PRR14L: variants seen among roughly 807,000 people sequenced by gnomAD.
PRR14L encodes the protein protein PRR14L.
In PRR14L, 80 loss-of-function variants were observed where a neutral mutation model predicts 155.0. The ratio of observed to expected loss-of-function variants is 0.52; its 90% CI spans 0.43 to 0.62. PRR14L has a LOEUF of 0.62. Ranked by LOEUF, PRR14L falls within the 20% of genes least tolerant of loss-of-function variation. The pLI is 0.00. For missense variants in PRR14L, 2,469 were observed against 2,548.0 expected, an observed-to-expected ratio of 0.97 and a Z score of 0.67; for synonymous variants, 883 against 916.0, an observed-to-expected ratio of 0.96 and a Z score of 0.65.
In PRR14L at chr22:31,714,784, A is replaced by G. The variant is rs2074645425; in HGVS notation, c.3055T>C (p.Ser1019Pro). ...NHNQKDLLVS[S>P]GSNNSLPCGS... is the part of the protein sequence containing the mutation. ...CAAGGTAGTGAGTTATTACTGCCTG[A>G]GCTGACCAGCAGATCCTTTTGGTTG... is the stretch of plus-strand genomic sequence containing the variant. Residue 1019 changes from serine to proline, a missense_variant, in exon 4 of 9, where the codon TCA (serine) becomes CCA (proline). Ser to Pro is a moderately conservative substitution (Grantham distance 74). Coordinates refer to ENST00000327423, the MANE Select transcript of PRR14L (RefSeq NM_173566.3). 1.3e-6 allele frequency: 2 copies of G among 1,552,298 alleles called. No individual in the cohort carries two copies. The highest frequency in any genetic ancestry group is 1.2e-5 in the South Asian group (1 of 84,064).
chr22:31,726,086 TA>T (rs1403940952), intron 2 of PRR14L, among the ~76,000 whole-genome samples: 2 of 152,088 alleles, frequency 1.3e-5, no homozygotes, highest in African/African-American at 4.8e-5. Context: ...TAAAAATTTC[TA>T]CTTATCTAGA....
At chr22:31,691,899 G>T in intron 7 of PRR14L, among the ~76,000 whole-genome samples, 1 of 148,222 alleles carries the variant, frequency 6.7e-6, no homozygotes. Flanking sequence ...ACAGAGTCTT[G>T]CTCTATCACC....
At chr22:31,688,897 T>TACACACACAC (rs1250705421) in intron 7 of PRR14L, among the ~76,000 whole-genome samples, 7 of 133,068 alleles carry the variant, frequency 5.3e-5, no homozygotes, top group African/African-American at 2.2e-4. Context: ...AAAAAATATA[T>TACACACACAC]ACATACACAC....
intron 1 of PRR14L, among the ~76,000 whole-genome samples, chr22:31,746,428 A>C (rs2074838052): frequency 6.6e-6 from 1 of 152,216 alleles, no homozygotes; most frequent in Non-Finnish European, 1.5e-5. Context: ...GTGAAGTAAA[A>C]GGGAAGAGTG....
Position 31,685,237 on chromosome 22 carries a change from C to A in PRR14L, c.*290G>T, listed in dbSNP as rs1291330429. ...GGCTGCTGCTTCCTCCTGTGGATGG[C>A]AGAGACTGAGGAGGTGGCTGGATGT... On this transcript the variant is annotated 3_prime_UTR_variant, in exon 9 of 9. Coordinates refer to ENST00000327423, the MANE Select transcript of PRR14L (RefSeq NM_173566.3). The A allele has an allele frequency of 3.3e-6, 1 of 302,122 alleles. No homozygotes were observed. Among genetic ancestry groups the A allele is most frequent in the Non-Finnish European group, 6.1e-6 (1 of 162,812 alleles). 18.7% of individuals were successfully genotyped at this position (302,122 alleles called of 1,614,324 possible).
intron 1 of PRR14L, among the ~76,000 whole-genome samples, chr22:31,748,854 G>C (rs1250373534): frequency 6.6e-6 from 1 of 152,144 alleles, no homozygotes; most frequent in Non-Finnish European, 1.5e-5. Context: ...ATTATTTTCA[G>C]TGAGGCCCTC....
At chr22:31,703,436 A>C (rs1275923096) in intron 6 of PRR14L, 114 bp downstream of exon 6, 13 of 992,530 alleles carry the variant, frequency 1.3e-5, no homozygotes, top group Non-Finnish European at 1.9e-5. Context: ...GCTGACACTG[A>C]AGGTGGTACG....
intron 2 of PRR14L, among the ~76,000 whole-genome samples, chr22:31,737,311 T>A (rs1478097092): frequency 6.6e-6 from 1 of 151,462 alleles, no homozygotes; most frequent in East Asian, 2.0e-4. Context: ...TGAAGCCCTA[T>A]CTCTACTAAA....
In PRR14L at chr22:31,715,963, G is replaced by A; in HGVS notation, c.1876C>T (p.Gln626Ter). ...TCATTCATCTCACAGGCTATGCTCTGTTCATCTAAAAGTGGAATATCATCA... is the reference window on the plus strand; with the variant it reads ...TCATTCATCTCACAGGCTATGCTCTATTCATCTAAAAGTGGAATATCATCA... ...SHDDIPLLDEQSIACEMNELS... is the reference protein window; with the variant it reads ...SHDDIPLLDE Residue 626 changes from glutamine (Q) to a stop codon, truncating the protein, a stop_gained, in exon 4 of 9, where the codon CAG becomes TAG. Coordinates refer to ENST00000327423, the MANE Select transcript of PRR14L (RefSeq NM_173566.3). LOFTEE classifies it high-confidence loss of function. 6.4e-7 allele frequency: 1 copy of A among 1,551,642 alleles called. No individual in the cohort carries two copies. The highest frequency in any genetic ancestry group is 8.7e-7 in the Non-Finnish European group (1 of 1,146,928).
Position 31,738,715 on chromosome 22 carries a change from T to A in PRR14L, c.146A>T (p.Lys49Ile), listed in dbSNP as rs1281678518. 35 of 1,551,728 alleles carry A rather than the reference T, an allele frequency of 2.3e-5. No homozygotes were observed. Among genetic ancestry groups the A allele is most frequent in the Non-Finnish European group, 2.6e-5 (30 of 1,147,044 alleles). The change falls in exon 2 of 9, where the codon AAA becomes ATA. Residue 49 changes from lysine (K) to isoleucine (I), a missense_variant. Coordinates refer to ENST00000327423, the MANE Select transcript of PRR14L (RefSeq NM_173566.3). ...DPEPSVIPDV[K>I]PGASSSLLSQ... ...TAAAAGAGAGCTTGAGGCTCCAGGT[T>A]TTACATCTGGAATCACACTTGGCTC... is the stretch of plus-strand genomic sequence containing the variant.
At chr22:31,728,866 T>C (rs1300321306) in intron 2 of PRR14L, among the ~76,000 whole-genome samples, 1 of 152,102 alleles carries the variant, frequency 6.6e-6, no homozygotes. Context: ...AGTTTAACAC[T>C]CTATAGCTTA....
intron 3 of PRR14L, among the ~76,000 whole-genome samples, chr22:31,721,500 G>A (rs369711884): frequency 6.6e-6 from 1 of 151,724 alleles, no homozygotes. Flanking sequence ...CCCGGGAGGC[G>A]GAGTTTGCAG....
At position 31,713,315 on chromosome 22, in the gene PRR14L, A is replaced by G; in HGVS notation, c.4524T>C (p.Gly1508=). 6.4e-7 allele frequency: 1 copy of G among 1,552,312 alleles called. No homozygotes were observed. The highest frequency in any genetic ancestry group is 8.7e-7 in the Non-Finnish European group (1 of 1,147,130). ...GAAGAACTCCTTTCTTCGCAAAGGCACCATGTATTTGATCACACCCAGCAG... is the reference window on the plus strand; with the variant it reads ...GAAGAACTCCTTTCTTCGCAAAGGCGCCATGTATTTGATCACACCCAGCAG... The part of the protein sequence containing the change: ...PSSAGCDQIH[G]AFAKKGVLPL... Residue 1508 remains glycine (G), a synonymous_variant, in exon 4 of 9, where the codon GGT becomes GGC. Coordinates refer to ENST00000327423, the MANE Select transcript of PRR14L (RefSeq NM_173566.3).
At chr22:31,749,439 C>T (rs900057725) in intron 1 of PRR14L, among the ~76,000 whole-genome samples, 2 of 151,876 alleles carry the variant, frequency 1.3e-5, no homozygotes, top group African/African-American at 4.8e-5. Flanking sequence ...GGGGTACAGG[C>T]GAAAAATAAA....
chr22:31,708,152 G>GA (rs200120910), intron 4 of PRR14L, among the ~76,000 whole-genome samples: 10,912 of 148,630 alleles, frequency 0.073, 465 homozygotes, highest in South Asian at 0.18. Flanking sequence ...TCCATCTCAG[G>GA]AAAAAAAAAC....
At chr22:31,687,594 C>CACCCG (rs1299325315) in intron 8 of PRR14L, among the ~76,000 whole-genome samples, 2 of 149,820 alleles carry the variant, frequency 1.3e-5, no homozygotes, top group Non-Finnish European at 3.0e-5. Flanking sequence ...CCTCGTGATC[C>CACCCG]ACCCGCCTTG....
chr22:31,700,302 G>T (rs1163958667), intron 7 of PRR14L, among the ~76,000 whole-genome samples: 1 of 152,154 alleles, frequency 6.6e-6, no homozygotes, highest in Non-Finnish European at 1.5e-5. Flanking sequence ...GAATAGAACT[G>T]ATAATGAATC....
At chr22:31,718,316 C>T (rs1031284077) in intron 3 of PRR14L, among the ~76,000 whole-genome samples, 3 of 150,888 alleles carry the variant, frequency 2.0e-5, no homozygotes, top group East Asian at 2.0e-4. Flanking sequence ...AGTGCAGTGG[C>T]GCAATCTCGG....
intron 6 of PRR14L, 86 bp from the exon 7 acceptor site, chr22:31,701,848 C>A: frequency 9.7e-7 from 1 of 1,031,278 alleles, no homozygotes; most frequent in Admixed American, 2.2e-5. Context: ...CACTCTGTGG[C>A]CCAGGCTGGT....
Sources: gnomAD v4.1 joint callset for allele counts (sites outside exome capture counted in the v4.1 genomes callset) on GRCh38, gnomAD v4.1.1 for gene constraint, MANE v1.5 for transcripts, NCBI Gene and HGNC (gene_info 2026-07-23, HGNC 2026-07-21) for gene names.